The following PKHD1 variants were observed in gnomAD, a reference collection of about 807,000 sequenced individuals.
The protein encoded by PKHD1 is fibrocystin.
A neutral mutation model predicts 412.0 loss-of-function variants in PKHD1; 291 were observed. The ratio of observed to expected loss-of-function variants is 0.71; its 90% CI spans 0.64 to 0.78. PKHD1 has a LOEUF of 0.78. Among genes scored for constraint, PKHD1 ranks in the 30% least tolerant of loss-of-function variants. PKHD1 has a pLI of 0.00. For missense variants in PKHD1, 4,825 were observed against 4,950.7 expected (o/e 0.97, Z 0.76); for synonymous variants, 1,777 against 1,821.5 (o/e 0.98, Z 0.62).
At chr6:51,925,438 C>CCT (rs1554140173) in intron 37 of PKHD1, among the ~76,000 whole-genome samples, 6 of 147,488 alleles carry the variant, frequency 4.1e-5, no homozygotes, top group Non-Finnish European at 9.0e-5. Flanking sequence ...AATTGTTCTT[C>CCT]GTGTGTGTGT....
chr6:51,982,371 G>T (rs1288548126), intron 35 of PKHD1, among the ~76,000 whole-genome samples: 2 of 117,828 alleles, frequency 1.7e-5, no homozygotes, highest in Non-Finnish European at 3.8e-5. Context: ...ATAGAAAGGC[G>T]GGAAGGGTGG....
intron 52 of PKHD1, among the ~76,000 whole-genome samples, chr6:51,816,339 T>C (rs375749620): frequency 4.8e-4 from 73 of 152,340 alleles, no homozygotes; most frequent in African/African-American, 1.6e-3. Flanking sequence ...TACACCCCCA[T>C]GCCTCTGTGC....
intron 37 of PKHD1, among the ~76,000 whole-genome samples, chr6:51,919,016 C>T (rs534176567): frequency 9.7e-4 from 148 of 152,210 alleles, no homozygotes; most frequent in Non-Finnish European, 1.5e-3. Flanking sequence ...TCCTTGTAGA[C>T]TCTGGAAATT....
chr6:52,043,836 G>A (rs188104993), intron 25 of PKHD1, 106 bp from the exon 26 acceptor site: 34 of 749,090 alleles, frequency 4.5e-5, no homozygotes, highest in East Asian at 4.3e-4. Flanking sequence ...TTCATGATTC[G>A]CTAATTCTTA....
At chr6:51,629,394 T>C (rs1767661761) in intron 65 of PKHD1, among the ~76,000 whole-genome samples, 1 of 151,580 alleles carries the variant, frequency 6.6e-6, no homozygotes, top group Non-Finnish European at 1.5e-5. Flanking sequence ...TTAAAAAAAA[T>C]GGGCAAAGGA....
chr6:51,899,674 A>G (rs1280673893), intron 43 of PKHD1, among the ~76,000 whole-genome samples: 128 of 152,036 alleles, frequency 8.4e-4, no homozygotes, highest in Non-Finnish European at 1.5e-3. Flanking sequence ...CAGGGCAATT[A>G]GGCAGGAGAA....
At chr6:52,080,040 C>A in intron 4 of PKHD1, 32 bp from the exon 5 acceptor site, 1 of 1,313,220 alleles carries the variant, frequency 7.6e-7, no homozygotes, top group South Asian at 1.2e-5. Flanking sequence ...CCTTATGAAT[C>A]AAAAACCATG....
chr6:51,998,507 C>G (rs563202536), intron 35 of PKHD1, among the ~76,000 whole-genome samples: 1 of 152,328 alleles, frequency 6.6e-6, no homozygotes, highest in African/African-American at 2.4e-5. Context: ...TAAGGGAACT[C>G]TTCAAAATAT....
In PKHD1 at chr6:51,618,766, G is replaced by A; in HGVS notation, c.*315C>T. The A allele has an allele frequency of 2.5e-6, 1 of 397,136 alleles. No individual in the cohort carries two copies. Among genetic ancestry groups the A allele is most frequent in the Non-Finnish European group, 4.8e-6 (1 of 210,260 alleles). The allele number at this position is 397,136 out of a possible 1,614,324, so 24.6% of individuals were successfully genotyped here. ...AGAATGCTTAATAATAACCCCTGCTGGTATAAGTCAGTATTACACCATTAT... is the reference window on the plus strand; with the variant it reads ...AGAATGCTTAATAATAACCCCTGCTAGTATAAGTCAGTATTACACCATTAT... On this transcript the variant is annotated 3_prime_UTR_variant, in exon 67 of 67. Transcript: ENST00000371117.
chr6:51,819,008 T>G (rs4715246), intron 52 of PKHD1, among the ~76,000 whole-genome samples: 140,241 of 152,244 alleles, frequency 0.92, 65,735 homozygotes, highest in East Asian at 1. Flanking sequence ...CAGGGTTTTT[T>G]TATTCACAGA....
intron 48 of PKHD1, among the ~76,000 whole-genome samples, chr6:51,863,795 T>C (rs1044504107): frequency 6.6e-6 from 1 of 152,204 alleles, no homozygotes; most frequent in South Asian, 2.1e-4. Context: ...GAACATGTCC[T>C]AGGAGAGAAA....
At chr6:51,740,311 A>C (rs1784408794) in intron 60 of PKHD1, among the ~76,000 whole-genome samples, 1 of 152,226 alleles carries the variant, frequency 6.6e-6, no homozygotes, top group African/African-American at 2.4e-5. Context: ...TTTGCTCCTA[A>C]TATGACAATA....
rs1264130635 is a variant in PKHD1 at position 51,918,529 on chromosome 6, C to A, written c.6122-5953G>T. Among the ~76,000 whole-genome samples the A allele has an allele frequency of 7.9e-5, 12 of 152,114 alleles. No individual in the cohort carries two copies. In the East Asian group the frequency reaches 2.3e-3, roughly 29 times the overall value. ...TCCCTGCAAAGGACATGAACTCATC[C>A]TTTTTTATGGCTGCATAGTATTCCA... On this transcript the variant is annotated intron_variant, in intron 37 of 66. Transcript: ENST00000371117.
intron 46 of PKHD1, among the ~76,000 whole-genome samples, chr6:51,872,899 T>TCC (rs1554283599): frequency 8.4e-4 from 77 of 91,362 alleles, no homozygotes; most frequent in Middle Eastern, 0.013. Flanking sequence ...TTTTTTTTTT[T>TCC]CAGAAAGTTA....
chr6:52,019,593 A>G (rs1353677368), intron 33 of PKHD1, among the ~76,000 whole-genome samples: 2 of 152,218 alleles, frequency 1.3e-5, no homozygotes, highest in Non-Finnish European at 2.9e-5. Context: ...TATGAAAATC[A>G]CCCAGGGCTG....
At chr6:51,663,128 TAC>T (rs1773137935) in intron 60 of PKHD1, among the ~76,000 whole-genome samples, 1 of 152,086 alleles carries the variant, frequency 6.6e-6, no homozygotes, top group African/African-American at 2.4e-5. Flanking sequence ...CAATCTCTAC[TAC>T]AGTTATATCT....
chr6:51,933,348 T>C (rs775503241), intron 37 of PKHD1, among the ~76,000 whole-genome samples: 17 of 152,266 alleles, frequency 1.1e-4, no homozygotes, highest in Admixed American at 5.9e-4. Flanking sequence ...CACCTATCTG[T>C]AAGAGGATTC....
At chr6:51,761,749 T>C (rs1788054066) in intron 55 of PKHD1, among the ~76,000 whole-genome samples, 1 of 151,988 alleles carries the variant, frequency 6.6e-6, no homozygotes, top group Non-Finnish European at 1.5e-5. Context: ...ACGAAATAAG[T>C]CAATCACTTG....
intron 35 of PKHD1, among the ~76,000 whole-genome samples, chr6:51,998,225 G>GAA (rs113750064): frequency 2.2e-5 from 3 of 136,052 alleles, no homozygotes; most frequent in South Asian, 2.3e-4. Context: ...AGTCAACACA[G>GAA]AAAAAAAAAA....
Sources: allele counts gnomAD v4.1 joint callset (sites outside exome capture counted in the v4.1 genomes callset), GRCh38; gene constraint gnomAD v4.1.1; transcripts MANE v1.5; gene names NCBI Gene and HGNC (gene_info 2026-07-23, HGNC 2026-07-21).